Variants in ARMH3 observed in about 807,000 individuals in gnomAD.
ARMH3 encodes armadillo-like helical domain-containing protein 3.
ARMH3 carries 60 observed loss-of-function variants against 99.1 expected under a neutral mutation model. The observed-to-expected ratio is 0.61, with a 90% CI of 0.49 to 0.75. ARMH3 has a LOEUF of 0.75. ARMH3 is among the 30% of genes least tolerant of loss of function. ARMH3 has a pLI of 0.00. For synonymous variants in ARMH3, 285 were observed against 292.8 expected (o/e 0.97, Z 0.27); for missense variants, 679 against 843.1 (o/e 0.81, Z 2.41).
At position 102,033,273 on chromosome 10, in the gene ARMH3, C is replaced by T. The variant is rs756286032; in HGVS notation, c.159+10G>A. On this transcript the variant is annotated intron_variant, in intron 3 of 25. Transcript: ENST00000370033. ...TACCAGGAAATTCCACAGATGCCAC[C>T]AACTCTTACCTTCATGAGAAAGAGC... 1.2e-6 allele frequency: 2 copies of T among 1,613,998 alleles called. No individual in the cohort carries two copies. Among genetic ancestry groups the T allele is most frequent in the Middle Eastern group, 1.7e-4 (1 of 6,058 alleles).
chr10:102,037,775 A>C (rs2067311542), intron 2 of ARMH3, among the ~76,000 whole-genome samples: 1 of 151,882 alleles, frequency 6.6e-6, no homozygotes, highest in Non-Finnish European at 1.5e-5. Context: ...GTTATTAGAG[A>C]GGGGAGTCTC....
intron 17 of ARMH3, 43 bp from the exon 18 acceptor site, chr10:101,992,081 G>A: frequency 1.3e-6 from 2 of 1,499,764 alleles, no homozygotes; most frequent in Non-Finnish European, 1.9e-6. Flanking sequence ...GTAGACACCG[G>A]CACTGACATC....
intron 1 of ARMH3, among the ~76,000 whole-genome samples, chr10:102,052,632 T>C (rs1252329514): frequency 2.6e-5 from 4 of 152,152 alleles, no homozygotes; most frequent in Non-Finnish European, 5.9e-5. Context: ...TACATAAGCA[T>C]AGTGTAAGAC....
intron 13 of ARMH3, among the ~76,000 whole-genome samples, chr10:102,007,103 G>A (rs1199382987): frequency 7.3e-6 from 1 of 137,850 alleles, no homozygotes; most frequent in Non-Finnish European, 1.5e-5. Context: ...GGAGGTTGCA[G>A]TGAGGTGATA....
intron 24 of ARMH3, among the ~76,000 whole-genome samples, chr10:101,887,942 C>T (rs150142452): frequency 1.8e-3 from 269 of 151,840 alleles, no homozygotes; most frequent in African/African-American, 6.4e-3. Flanking sequence ...GCCTTGTGTG[C>T]CAGAAAGGAT....
At chr10:101,864,937 C>CA (rs986316556) in intron 24 of ARMH3, among the ~76,000 whole-genome samples, 37 of 147,482 alleles carry the variant, frequency 2.5e-4, no homozygotes, top group Middle Eastern at 7.0e-3. Flanking sequence ...TGACGCAGCT[C>CA]AAAAAAAAAA....
intron 8 of ARMH3, among the ~76,000 whole-genome samples, chr10:102,021,568 G>C: frequency 6.8e-6 from 1 of 147,152 alleles, no homozygotes; most frequent in Non-Finnish European, 1.5e-5. Flanking sequence ...TTTTTTTTGA[G>C]ACGGAGTCTC....
intron 1 of ARMH3, among the ~76,000 whole-genome samples, chr10:102,053,145 T>C (rs2067747520): frequency 6.8e-6 from 1 of 147,966 alleles, no homozygotes; most frequent in Admixed American, 6.9e-5. Context: ...TTAGTCTCAC[T>C]GCCTCATTCT....
chr10:101,925,576 T>C (rs541018123), intron 23 of ARMH3, among the ~76,000 whole-genome samples: 1 of 152,304 alleles, frequency 6.6e-6, no homozygotes, highest in South Asian at 2.1e-4. Flanking sequence ...GTTCAGGTTA[T>C]AAAGAGAAAG....
intron 19 of ARMH3, among the ~76,000 whole-genome samples, chr10:101,979,176 A>G (rs1846131341): frequency 1.3e-5 from 2 of 152,070 alleles, no homozygotes; most frequent in African/African-American, 4.8e-5. Flanking sequence ...CCACACAAAA[A>G]CTGGTATACA....
At chr10:101,944,273 T>TATATAGAG (rs1844401380) in intron 22 of ARMH3, among the ~76,000 whole-genome samples, 8 of 25,406 alleles carry the variant, frequency 3.1e-4, no homozygotes, top group Non-Finnish European at 4.0e-4. Context: ...TATATATATA[T>TATATAGAG]AGAGAGAGAG....
chr10:102,016,145 T>A (rs1217541109), intron 8 of ARMH3, among the ~76,000 whole-genome samples: 1 of 152,128 alleles, frequency 6.6e-6, no homozygotes, highest in Non-Finnish European at 1.5e-5. Flanking sequence ...GATCAATCAA[T>A]CAAACAAACA....
Position 101,847,128 on chromosome 10 carries a change from G to C in ARMH3, c.*400C>G, listed in dbSNP as rs184595314. The C allele has an allele frequency of 5.5e-6, 1 of 183,198 alleles. No homozygotes were observed. Among genetic ancestry groups the C allele is most frequent in the African/African-American group, 2.4e-5 (1 of 42,444 alleles). 11.3% of individuals were successfully genotyped at this position (183,198 alleles called of 1,614,324 possible). A position where few individuals can be genotyped will look rare whatever the true frequency, so the allele number is the denominator to read the frequency against. On this transcript the variant is annotated 3_prime_UTR_variant, in exon 26 of 26. Coordinates refer to ENST00000370033, the MANE Select transcript of ARMH3 (RefSeq NM_024541.3). ...GTAGCTCCAGCTATATCTGAGAGTTGATCTGTTTTCAGAAGCCGAGCAGAG... is the reference window on the plus strand; with the variant it reads ...GTAGCTCCAGCTATATCTGAGAGTTCATCTGTTTTCAGAAGCCGAGCAGAG...
At chr10:101,925,655 T>A (rs530641788) in intron 23 of ARMH3, among the ~76,000 whole-genome samples, 2 of 152,288 alleles carry the variant, frequency 1.3e-5, no homozygotes, top group African/African-American at 4.8e-5. Context: ...CAGCCTGTAA[T>A]CCCAGCACTT....
chr10:101,868,206 C>T (rs757608973), intron 24 of ARMH3, among the ~76,000 whole-genome samples: 4 of 152,148 alleles, frequency 2.6e-5, no homozygotes, highest in Non-Finnish European at 5.9e-5. Flanking sequence ...GAGGGAGATG[C>T]GTTCTTCCCC....
intron 5 of ARMH3, 111 bp from the exon 6 acceptor site, chr10:102,025,359 A>C: frequency 1.3e-6 from 1 of 775,472 alleles, no homozygotes; most frequent in Non-Finnish European, 2.1e-6. Flanking sequence ...TAAAGCAACA[A>C]CATCATTTCC....
At chr10:101,942,522 C>T (rs1480105806) in intron 22 of ARMH3, among the ~76,000 whole-genome samples, 3 of 152,192 alleles carry the variant, frequency 2.0e-5, no homozygotes, top group African/African-American at 4.8e-5. Flanking sequence ...ATACAGTGGG[C>T]TTCACTGCAG....
At chr10:101,960,980 G>A (rs1278967760) in intron 20 of ARMH3, among the ~76,000 whole-genome samples, 1 of 151,900 alleles carries the variant, frequency 6.6e-6, no homozygotes, top group Non-Finnish European at 1.5e-5. Flanking sequence ...TATAAATGGT[G>A]TGCTTAGATC....
At chr10:102,013,245 A>G (rs986352391) in intron 9 of ARMH3, among the ~76,000 whole-genome samples, 1 of 152,232 alleles carries the variant, frequency 6.6e-6, no homozygotes, top group African/African-American at 2.4e-5. Flanking sequence ...CAAGGTGACA[A>G]TGAGTCCATG....
Sources: gnomAD v4.1 joint callset for allele counts (sites outside exome capture counted in the v4.1 genomes callset) on GRCh38, gnomAD v4.1.1 for gene constraint, MANE v1.5 for transcripts, NCBI Gene and HGNC (gene_info 2026-07-23, HGNC 2026-07-21) for gene names.